Variants in ALDH5A1 observed in about 807,000 individuals in gnomAD.
The protein encoded by ALDH5A1 is succinate-semialdehyde dehydrogenase, mitochondrial.
In ALDH5A1, 33 loss-of-function variants were observed where a neutral mutation model predicts 54.7. The observed-to-expected ratio is 0.60, with a 90% confidence interval of 0.46 to 0.81. ALDH5A1 has a LOEUF of 0.81. Among genes scored for constraint, ALDH5A1 ranks in the 30% least tolerant of loss-of-function variants. ALDH5A1 has a pLI of 0.00. For missense variants in ALDH5A1, 657 were observed against 711.0 expected, an observed-to-expected ratio of 0.92 and a Z score of 0.86; for synonymous variants, 294 against 292.7, an observed-to-expected ratio of 1.00 and a Z score of -0.05.
In ALDH5A1 at chr6:24,535,434, CTCTT is replaced by C; in HGVS notation, c.*1724_*1727del. ...TCAGCATTTTGACAGTTAATGTCTT[CTCTT>C]TATTTGTGTAGTTTTTAGGTGGTTT... On this transcript the variant is annotated 3_prime_UTR_variant, in exon 10 of 10. Coordinates refer to ENST00000357578, the MANE Select transcript of ALDH5A1 (RefSeq NM_001080.3). 6.6e-6 allele frequency: 1 copy of C among 152,202 alleles called. No homozygotes were observed. Among genetic ancestry groups the C allele is most frequent in the Non-Finnish European group, 1.5e-5 (1 of 68,032 alleles). 9.4% of individuals were successfully genotyped at this position (152,202 alleles called of 1,614,324 possible). A position where few individuals can be genotyped will look rare whatever the true frequency, so the allele number is the denominator to read the frequency against.
chr6:24,504,418 C>A (rs1431066461), intron 3 of ALDH5A1, among the ~76,000 whole-genome samples: 1 of 152,156 alleles, frequency 6.6e-6, no homozygotes, highest in African/African-American at 2.4e-5. Flanking sequence ...ATACTTACTC[C>A]CATGGGCCTC....
At chr6:24,523,816 A>G (rs1278600194) in intron 7 of ALDH5A1, among the ~76,000 whole-genome samples, 1 of 152,192 alleles carries the variant, frequency 6.6e-6, no homozygotes, top group African/African-American at 2.4e-5. Flanking sequence ...TTCAGGATTT[A>G]GAGATATTGA....
At chr6:24,530,363 A>T (rs1015934329) in intron 8 of ALDH5A1, among the ~76,000 whole-genome samples, 3 of 146,530 alleles carry the variant, frequency 2.0e-5, no homozygotes, top group African/African-American at 7.3e-5. Flanking sequence ...TTTCCTTTTT[A>T]AAAAAAACAT....
At position 24,526,964 on chromosome 6, in the gene ALDH5A1, ATGTGTG is replaced by A. The variant is rs1182158053; in HGVS notation, c.1174-1027_1174-1022del. On this transcript the variant is annotated intron_variant, in intron 7 of 9. Coordinates refer to ENST00000357578, the MANE Select transcript of ALDH5A1 (RefSeq NM_001080.3). ...CTATATATATATCTAATATATATAT[ATGTGTG>A]TGTGTATATATATATATATATATAT... Among the ~76,000 whole-genome samples the A allele has an allele frequency of 6.9e-3, 115 of 16,742 alleles. 8 individuals are homozygous for A. Among genetic ancestry groups the A allele is most frequent in the African/African-American group, 0.012 (94 of 7,776 alleles). The allele number at this position is 16,742 out of a possible 152,430, so 11.0% of individuals were successfully genotyped here.
intron 1 of ALDH5A1, among the ~76,000 whole-genome samples, chr6:24,499,950 C>A (rs1384557588): frequency 6.6e-6 from 1 of 151,154 alleles, no homozygotes; most frequent in Non-Finnish European, 1.5e-5. Flanking sequence ...CGAGCCACTG[C>A]GCCCAGCCCC....
intron 4 of ALDH5A1, among the ~76,000 whole-genome samples, chr6:24,513,081 T>C (rs1759490509): frequency 2.5e-5 from 1 of 40,688 alleles, no homozygotes; most frequent in Admixed American, 1.5e-4. Flanking sequence ...TTTCTATTTT[T>C]TTCTTTTTTT....
rs199538715 is a variant in ALDH5A1, at chr6:24,501,925, A to ATGTG, written c.355-597_355-596insGTGT. Among the ~76,000 whole-genome samples the ATGTG allele has an allele frequency of 6.2e-5, 9 of 145,686 alleles. No homozygotes were observed. In the East Asian group the frequency reaches 1.8e-3, roughly 29 times the overall value. On this transcript the variant is annotated intron_variant, in intron 1 of 9. Transcript: ENST00000357578. ...TGTGTGTGTGTGTGGGTGTATATAT[A>ATGTG]TATGTGTGTGTGTGTATATATATAT...
At chr6:24,498,516 G>A (rs1263371559) in intron 1 of ALDH5A1, among the ~76,000 whole-genome samples, 1 of 152,138 alleles carries the variant, frequency 6.6e-6, no homozygotes, top group Admixed American at 6.6e-5. Flanking sequence ...GCAGCTGCAG[G>A]GCGGGTGTTG....
chr6:24,525,725 G>C (rs6921564), intron 7 of ALDH5A1, among the ~76,000 whole-genome samples: 1 of 151,858 alleles, frequency 6.6e-6, no homozygotes, highest in African/African-American at 2.4e-5. Flanking sequence ...AGTCAAAATA[G>C]ATGGGTCTAC....
intron 7 of ALDH5A1, among the ~76,000 whole-genome samples, chr6:24,526,982 A>G (rs1469712791): frequency 3.9e-5 from 1 of 25,510 alleles, no homozygotes; most frequent in Admixed American, 3.3e-4. Context: ...GTGTATATAT[A>G]TATATATATA....
At chr6:24,531,930 C>T in intron 8 of ALDH5A1, 189 bp from the exon 9 acceptor site, 2 of 645,492 alleles carry the variant, frequency 3.1e-6, no homozygotes. Flanking sequence ...TTGATTTGAG[C>T]ATGCTAGCCT....
chr6:24,526,988 A>C (rs62400511), intron 7 of ALDH5A1, among the ~76,000 whole-genome samples: 41,614 of 99,480 alleles, frequency 0.42, 9,282 homozygotes, highest in Non-Finnish European at 0.58. Flanking sequence ...ATATATATAT[A>C]TATATATATA....
chr6:24,506,559 G>A (rs1011780157), intron 4 of ALDH5A1, among the ~76,000 whole-genome samples: 7 of 151,664 alleles, frequency 4.6e-5, no homozygotes, highest in South Asian at 2.1e-4. Context: ...CCTCTTTCCT[G>A]GTTTCTAAAG....
chr6:24,508,913 ATCT>A (rs1759411780), intron 4 of ALDH5A1, among the ~76,000 whole-genome samples: 1 of 152,148 alleles, frequency 6.6e-6, no homozygotes, highest in Non-Finnish European at 1.5e-5. Flanking sequence ...CCATTTGTAT[ATCT>A]TCTTTTGAGA....
chr6:24,511,344 T>G (rs1759456218), intron 4 of ALDH5A1, among the ~76,000 whole-genome samples: 1 of 152,182 alleles, frequency 6.6e-6, no homozygotes, highest in African/African-American at 2.4e-5. Context: ...TCTTTGTGCT[T>G]CTTGTATTTG....
chr6:24,501,997 A>G (rs895034803), intron 1 of ALDH5A1, among the ~76,000 whole-genome samples: 1 of 151,916 alleles, frequency 6.6e-6, no homozygotes, highest in South Asian at 2.1e-4. Context: ...GAATATAGGA[A>G]GAGACTTCTT....
At chr6:24,522,354 C>T (rs565318946) in intron 6 of ALDH5A1, among the ~76,000 whole-genome samples, 2 of 151,928 alleles carry the variant, frequency 1.3e-5, no homozygotes, top group Non-Finnish European at 2.9e-5. Context: ...TCCTCTTAGC[C>T]TCTGCTGTTG....
In ALDH5A1 at chr6:24,504,926, T is replaced by C. The variant is rs1380589911; in HGVS notation, c.667T>C (p.Cys223Arg). The change falls in exon 4 of 10, where the codon TGT becomes CGT. Residue 223 changes from cysteine (C) to arginine (R), a missense_variant. Cys to Arg is a radical substitution (Grantham distance 180, BLOSUM62 -3). This residue lies in a region of ALDH5A1 where 425 missense variants were observed against 516.4 expected (regional missense o/e 0.82). Transcript: ENST00000357578. ...GGTGGGGGCCGCCCTGGCAGCCGGC[T>C]GTACTGTCGTGGTGAAGCCTGCCGA... The part of the protein sequence containing the change: ...RKVGAALAAG[C>R]TVVVKPAEDT... The C allele has an allele frequency of 5.0e-6, 8 of 1,614,126 alleles. No individual in the cohort carries two copies. The highest frequency in any genetic ancestry group is 1.1e-5 in the South Asian group (1 of 91,082).
chr6:24,532,800 T>C, intron 9 of ALDH5A1, among the ~76,000 whole-genome samples: 1 of 152,124 alleles, frequency 6.6e-6, no homozygotes, highest in Non-Finnish European at 1.5e-5. Context: ...GAACTATTTA[T>C]ACCAAGAGGA....
Sources: gnomAD v4.1 joint callset for allele counts (sites outside exome capture counted in the v4.1 genomes callset) on GRCh38, gnomAD v4.1.1 for gene constraint, gnomAD v4.1.1 regional missense constraint, MANE v1.5 for transcripts, NCBI Gene and HGNC (gene_info 2026-07-23, HGNC 2026-07-21) for gene names.